The following HPS5 variants were observed in gnomAD, a reference collection of about 807,000 sequenced individuals.
HPS5 encodes the protein BLOC-2 complex member HPS5.
A neutral mutation model predicts 128.0 loss-of-function variants in HPS5; 83 were observed. The ratio of observed to expected loss-of-function variants is 0.65; its 90% CI spans 0.54 to 0.78. The LOEUF (loss-of-function observed/expected upper bound fraction) is 0.78, where lower values mean the gene tolerates loss of function less well. Ranked by LOEUF, HPS5 falls within the 30% of genes least tolerant of loss-of-function variation. The pLI is 0.00. For synonymous variants in HPS5, 475 were observed against 470.2 expected, an observed-to-expected ratio of 1.01 and a Z score of -0.13; for missense variants, 1,281 against 1,326.2, an observed-to-expected ratio of 0.97 and a Z score of 0.53.
intron 7 of HPS5, 110 bp from the exon 8 acceptor site, chr11:18,305,603 T>C (rs1188413724): frequency 2.8e-6 from 2 of 716,560 alleles, no homozygotes; most frequent in Admixed American, 4.3e-5. Flanking sequence ...TTCAAGAGCC[T>C]AACTGCATCT....
At chr11:18,300,763 T>G (rs1861611841) in intron 9 of HPS5, 65 bp downstream of exon 9, 2 of 766,514 alleles carry the variant, frequency 2.6e-6, no homozygotes, top group East Asian at 5.3e-5. Flanking sequence ...TACAAGAGAA[T>G]GCTCCTACAA....
At chr11:18,303,840 C>G (rs1283818300) in intron 8 of HPS5, among the ~76,000 whole-genome samples, 1 of 145,606 alleles carries the variant, frequency 6.9e-6, no homozygotes, top group African/African-American at 2.6e-5. Context: ...GGTGACAGAG[C>G]AAGACTCCGT....
At chr11:18,286,158 T>C (rs1424134933) in intron 19 of HPS5, among the ~76,000 whole-genome samples, 1 of 152,242 alleles carries the variant, frequency 6.6e-6, no homozygotes, top group Non-Finnish European at 1.5e-5. Context: ...CTTGGGTCAG[T>C]CTCTTCCATA....
intron 11 of HPS5, 137 bp downstream of exon 11, chr11:18,297,422 G>C: frequency 1.3e-6 from 1 of 744,948 alleles, no homozygotes; most frequent in Non-Finnish European, 2.3e-6. Flanking sequence ...GCCACTAGCT[G>C]AACAAAAGTT....
At chr11:18,306,423 T>C (rs956554323) in intron 6 of HPS5, 76 bp from the exon 7 acceptor site, 2 of 921,818 alleles carry the variant, frequency 2.2e-6, no homozygotes, top group Non-Finnish European at 3.5e-6. Context: ...CAAATCAGCA[T>C]GGGCATAATA....
At chr11:18,312,540 T>C (rs923623734) in intron 2 of HPS5, among the ~76,000 whole-genome samples, 3 of 152,244 alleles carry the variant, frequency 2.0e-5, no homozygotes, top group Non-Finnish European at 4.4e-5. Context: ...GTTGATTGAC[T>C]AAGAGACATT....
intron 12 of HPS5, 169 bp downstream of exon 12, chr11:18,296,629 A>G (rs1290201697): frequency 1.3e-6 from 1 of 762,174 alleles, no homozygotes; most frequent in Non-Finnish European, 2.4e-6. Context: ...AACATAAACC[A>G]ACTCTTCTAG....
rs59102347 is a variant in HPS5 at position 18,311,495 on chromosome 11, C to CATTATT, written c.220-50_220-45dup. On this transcript the variant is annotated intron_variant, in intron 3 of 22. Transcript: ENST00000349215. ...TACATTTTTTAAATCTCAAGTTTTA[C>CATTATT]ATTATTATTATTATTATTTTTTTTT... 138 of 644,966 alleles carry CATTATT rather than the reference C, an allele frequency of 2.1e-4. 2 individuals are homozygous for CATTATT. Among genetic ancestry groups the CATTATT allele is most frequent in the South Asian group, 8.5e-4 (33 of 38,694 alleles). The allele number at this position is 644,966 out of a possible 1,614,324, so 40.0% of individuals were successfully genotyped here.
rs561240197 is a variant in HPS5, at chr11:18,317,658, A to G, written c.108+93T>C. 13 of 1,260,458 alleles carry G rather than the reference A, an allele frequency of 1.0e-5. No individual in the cohort carries two copies. The South Asian group carries it at 1.6e-4, about 16-fold the overall frequency. The allele number at this position is 1,260,458 out of a possible 1,614,324, so 78.1% of individuals were successfully genotyped here. On this transcript the variant is annotated intron_variant, in intron 2 of 22. Coordinates refer to ENST00000349215, the MANE Select transcript of HPS5 (RefSeq NM_181507.2). ...ATGACTAGGACAGGTAAGAACACCC[A>G]AGATTCCACAAAACGTTAAGGAACT... is the stretch of plus-strand genomic sequence containing the variant.
chr11:18,309,630 T>C (rs1196786374), intron 5 of HPS5, among the ~76,000 whole-genome samples: 3 of 152,230 alleles, frequency 2.0e-5, no homozygotes, highest in Non-Finnish European at 4.4e-5. Context: ...CAAAATATAT[T>C]AAGAATCAAT....
chr11:18,292,939 C>A lies in HPS5; in HGVS notation c.1822G>T (p.Asp608Tyr), dbSNP rs760920037. Residue 608 changes from aspartate (D) to tyrosine (Y), a missense_variant, in exon 15 of 23, where the codon GAC (aspartate) becomes TAC (tyrosine). Transcript: ENST00000349215. The stretch of plus-strand genomic sequence containing the variant: ...GCTACTTTAAGCTCCTGGAACCTGT[C>A]TTCTTCTGGAGGTGGACTAGTTACC... The part of the protein sequence containing the change: ...KEVTSPPPEE[D>Y]RFQELKVATA... 1 of 1,614,122 alleles carries A rather than the reference C, an allele frequency of 6.2e-7. No homozygotes were observed. The highest frequency in any genetic ancestry group is 1.7e-5 in the Admixed American group (1 of 60,026).
chr11:18,321,675 GAAGT>G (rs1028543719), intron 1 of HPS5, among the ~76,000 whole-genome samples: 10 of 152,176 alleles, frequency 6.6e-5, no homozygotes, highest in African/African-American at 1.4e-4. Flanking sequence ...AGAGGAGAAA[GAAGT>G]AAGAAAGATA....
chr11:18,281,490 T>G (rs1430377325), intron 22 of HPS5, among the ~76,000 whole-genome samples: 1 of 148,676 alleles, frequency 6.7e-6, no homozygotes, highest in African/African-American at 2.5e-5. Context: ...ACCTCCACCT[T>G]CCGAGTTCAA....
chr11:18,300,571 C>G (rs1861576152), intron 9 of HPS5, among the ~76,000 whole-genome samples: 1 of 151,828 alleles, frequency 6.6e-6, no homozygotes, highest in South Asian at 2.1e-4. Flanking sequence ...GTGGTGCGTG[C>G]CTGTAATCCC....
intron 2 of HPS5, among the ~76,000 whole-genome samples, chr11:18,314,858 G>A (rs893865951): frequency 3.9e-5 from 6 of 152,084 alleles, no homozygotes; most frequent in Admixed American, 2.0e-4. Context: ...CCACCACCAC[G>A]TCCAGCTGAT....
At chr11:18,304,476 A>G (rs757687042) in intron 8 of HPS5, among the ~76,000 whole-genome samples, 2 of 152,196 alleles carry the variant, frequency 1.3e-5, no homozygotes, top group Non-Finnish European at 2.9e-5. Context: ...TCGGTCTCCC[A>G]AATTGCTGGG....
intron 12 of HPS5, chr11:18,296,354 T>C (rs528061341): frequency 1.8e-6 from 1 of 562,842 alleles, no homozygotes; most frequent in Non-Finnish European, 3.1e-6. Flanking sequence ...TGAGTCCCCA[T>C]AAGTCAAAAA....
intron 16 of HPS5, among the ~76,000 whole-genome samples, chr11:18,288,890 G>A (rs1369484737): frequency 6.6e-6 from 1 of 152,006 alleles, no homozygotes; most frequent in Non-Finnish European, 1.5e-5. Flanking sequence ...GTGTGTGTGT[G>A]TAGAGACAAG....
rs772058603 is a variant in HPS5, at chr11:18,291,395, T to C, written c.2440+47A>G. Reference sequence around the variant, plus strand: ...ACCCCAAAATTCAAAACTGCTAATGTTTTTTAATACGAATTTCTATCTTTG... The same window carrying C: ...ACCCCAAAATTCAAAACTGCTAATGCTTTTTAATACGAATTTCTATCTTTG... On this transcript the variant is annotated intron_variant, in intron 16 of 22. Coordinates refer to ENST00000349215, the MANE Select transcript of HPS5 (RefSeq NM_181507.2). 3.1e-6 allele frequency: 4 copies of C among 1,281,354 alleles called. No homozygotes were observed. In the Admixed American group the frequency reaches 7.4e-5, roughly 24 times the overall value. 79.4% of individuals were successfully genotyped at this position (1,281,354 alleles called of 1,614,324 possible).
Sources: allele counts gnomAD v4.1 joint callset (sites outside exome capture counted in the v4.1 genomes callset), GRCh38; gene constraint gnomAD v4.1.1; transcripts MANE v1.5; gene names NCBI Gene and HGNC (gene_info 2026-07-23, HGNC 2026-07-21).